PIK3AP1: variants seen among roughly 807,000 people sequenced by gnomAD.
PIK3AP1 encodes the protein phosphoinositide-3-kinase adaptor protein 1.
Under a neutral mutation model 88.1 loss-of-function variants are expected in PIK3AP1, and 21 were observed. The observed-to-expected ratio is 0.24, with a 90% confidence interval of 0.17 to 0.34. PIK3AP1 has a LOEUF of 0.34. Among genes scored for constraint, PIK3AP1 ranks in the 10% least tolerant of loss-of-function variants. The pLI, the probability that PIK3AP1 is intolerant of heterozygous loss-of-function variation, is 1.00. For missense variants in PIK3AP1, 828 were observed against 1,035.7 expected (o/e 0.80, Z 2.75); for synonymous variants, 398 against 400.0 (o/e 1.00, Z 0.06).
chr10:96,655,100 G>C (rs558485954), intron 3 of PIK3AP1, among the ~76,000 whole-genome samples: 1 of 152,286 alleles, frequency 6.6e-6, no homozygotes, highest in Non-Finnish European at 1.5e-5. Flanking sequence ...ATGTTGCCCA[G>C]GCTGGTCTCA....
At chr10:96,615,325 G>A (rs978137247) in intron 13 of PIK3AP1, among the ~76,000 whole-genome samples, 1 of 152,102 alleles carries the variant, frequency 6.6e-6, no homozygotes, top group African/African-American at 2.4e-5. Flanking sequence ...GATCAAGGGC[G>A]TGGCATTATC....
intron 1 of PIK3AP1, among the ~76,000 whole-genome samples, chr10:96,717,800 G>A (rs575696907): frequency 5.3e-4 from 81 of 152,094 alleles, no homozygotes; most frequent in Middle Eastern, 3.4e-3. Context: ...TGCCATCAGG[G>A]GCCTAGAGAA....
chr10:96,602,417 G>C lies in PIK3AP1; in HGVS notation c.2242-19C>G, dbSNP rs781470629. 6.3e-7 allele frequency: 1 copy of C among 1,595,688 alleles called. No homozygotes were observed. Among genetic ancestry groups the C allele is most frequent in the Non-Finnish European group, 8.6e-7 (1 of 1,164,430 alleles). On this transcript the variant is annotated intron_variant, in intron 15 of 16. Transcript: ENST00000339364. ...CATTATCCTACAGCAAAGAAGATGA[G>C]AAAGAAAGGCGAAAACTACATTCAG...
At chr10:96,633,078 C>T in intron 8 of PIK3AP1, 1 of 1,571,842 alleles carries the variant, frequency 6.4e-7, no homozygotes, top group Non-Finnish European at 8.6e-7. Context: ...AGAGCAATTT[C>T]TCTCATAGCA....
At chr10:96,657,657 T>TTGTGTGTG (rs10644854) in intron 2 of PIK3AP1, among the ~76,000 whole-genome samples, 3 of 149,530 alleles carry the variant, frequency 2.0e-5, no homozygotes, top group Non-Finnish European at 3.0e-5. Context: ...GTGTGCAAGA[T>TTGTGTGTG]TGTGTGTGTG....
At chr10:96,646,605 T>C (rs78573405) in intron 7 of PIK3AP1, among the ~76,000 whole-genome samples, 3,607 of 152,190 alleles carry the variant, frequency 0.024, 53 homozygotes, top group Non-Finnish European at 0.039. Context: ...CAGAGGTCAC[T>C]CCGCAGCTTG....
chr10:96,606,047 C>T (rs1848996978), intron 14 of PIK3AP1, among the ~76,000 whole-genome samples: 1 of 152,240 alleles, frequency 6.6e-6, no homozygotes, highest in South Asian at 2.1e-4. Context: ...CATGCCACTG[C>T]ACTTCAGCCT....
intron 2 of PIK3AP1, among the ~76,000 whole-genome samples, chr10:96,675,633 G>A (rs1843908027): frequency 6.6e-6 from 1 of 152,136 alleles, no homozygotes; most frequent in African/African-American, 2.4e-5. Flanking sequence ...TTGAGTCCCT[G>A]CTATTACTGG....
intron 2 of PIK3AP1, among the ~76,000 whole-genome samples, chr10:96,674,296 G>A (rs926810706): frequency 6.6e-6 from 1 of 152,192 alleles, no homozygotes; most frequent in African/African-American, 2.4e-5. Flanking sequence ...ATTCAGCTAA[G>A]CCACAGAAGA....
chr10:96,662,435 C>G (rs1843700554), intron 2 of PIK3AP1, among the ~76,000 whole-genome samples: 1 of 151,500 alleles, frequency 6.6e-6, no homozygotes, highest in East Asian at 1.9e-4. Flanking sequence ...AACCCTATCT[C>G]TACTAAAAAT....
chr10:96,612,652 T>C (rs1849133365), intron 13 of PIK3AP1, among the ~76,000 whole-genome samples: 1 of 152,042 alleles, frequency 6.6e-6, no homozygotes, highest in African/African-American at 2.4e-5. Context: ...CAACTTCTAA[T>C]TGCCTGAGGC....
At chr10:96,619,671 A>G (rs780843589) in intron 12 of PIK3AP1, among the ~76,000 whole-genome samples, 50 of 152,288 alleles carry the variant, frequency 3.3e-4, no homozygotes, top group Non-Finnish European at 4.6e-4. Context: ...TACACTTATG[A>G]TACAGGTATG....
At chr10:96,631,760 G>T (rs1398936086) in intron 8 of PIK3AP1, among the ~76,000 whole-genome samples, 1 of 152,094 alleles carries the variant, frequency 6.6e-6, no homozygotes, top group East Asian at 1.9e-4. Context: ...GAGCGCACCT[G>T]TACTCCCAGC....
chr10:96,637,632 G>A (rs550207694), intron 8 of PIK3AP1, among the ~76,000 whole-genome samples: 90 of 152,230 alleles, frequency 5.9e-4, no homozygotes, highest in Non-Finnish European at 1.1e-3. Context: ...TTACAGGCAT[G>A]AGCCACCATG....
intron 2 of PIK3AP1, among the ~76,000 whole-genome samples, chr10:96,661,054 G>A (rs754241170): frequency 6.6e-6 from 1 of 152,062 alleles, no homozygotes; most frequent in Non-Finnish European, 1.5e-5. Context: ...CCATGAGGCC[G>A]AGAGGCTAAT....
At chr10:96,642,174 C>T (rs1843397430) in intron 8 of PIK3AP1, among the ~76,000 whole-genome samples, 2 of 152,040 alleles carry the variant, frequency 1.3e-5, no homozygotes, top group South Asian at 2.1e-4. Flanking sequence ...CCTGTAATCC[C>T]GGCACTTTGG....
intron 13 of PIK3AP1, among the ~76,000 whole-genome samples, chr10:96,613,337 T>C (rs1326839789): frequency 6.6e-6 from 1 of 152,140 alleles, no homozygotes; most frequent in East Asian, 1.9e-4. Context: ...TGGTAAATTT[T>C]ATGTTAGGCA....
At chr10:96,694,543 T>C (rs534924083) in intron 2 of PIK3AP1, among the ~76,000 whole-genome samples, 33 of 147,836 alleles carry the variant, frequency 2.2e-4, no homozygotes, top group Admixed American at 1.5e-3. Flanking sequence ...TTCTTTCTTT[T>C]TTTTTTTTTT....
intron 2 of PIK3AP1, among the ~76,000 whole-genome samples, chr10:96,672,218 A>G (rs1843856997): frequency 6.6e-6 from 1 of 152,146 alleles, no homozygotes; most frequent in South Asian, 2.1e-4. Flanking sequence ...CATCATATGC[A>G]ATCGTTTTGC....
Sources: gnomAD v4.1 joint callset for allele counts (sites outside exome capture counted in the v4.1 genomes callset) on GRCh38, gnomAD v4.1.1 for gene constraint, MANE v1.5 for transcripts, NCBI Gene and HGNC (gene_info 2026-07-23, HGNC 2026-07-21) for gene names.